The following CSMD3 variants were observed in gnomAD, a reference collection of about 807,000 sequenced individuals.
The protein encoded by CSMD3 is CUB and sushi domain-containing protein 3.
A neutral mutation model predicts 435.2 loss-of-function variants in CSMD3; 177 were observed. The ratio of observed to expected loss-of-function variants is 0.41; its 90% confidence interval spans 0.36 to 0.46. The LOEUF (loss-of-function observed/expected upper bound fraction) is 0.46, where lower values mean the gene tolerates loss of function less well. CSMD3 is among the 20% of genes least tolerant of loss of function. The probability of loss-of-function intolerance (pLI) is 0.34; values close to 1 mark genes in which losing one functional copy is unlikely to be tolerated. For synonymous variants in CSMD3, 1,656 were observed against 1,520.5 expected (o/e 1.09, Z -2.07); for missense variants, 4,265 against 4,504.6 (o/e 0.95, Z 1.52).
At chr8:112,523,093 G>GA (rs1402732018) in intron 27 of CSMD3, among the ~76,000 whole-genome samples, 1 of 151,836 alleles carries the variant, frequency 6.6e-6, no homozygotes, top group African/African-American at 2.4e-5. Flanking sequence ...TTTATGTTCA[G>GA]AAAATCGACT....
intron 4 of CSMD3, among the ~76,000 whole-genome samples, chr8:113,113,405 C>T (rs1564330231): frequency 6.6e-6 from 1 of 152,050 alleles, no homozygotes; most frequent in Non-Finnish European, 1.5e-5. Context: ...AATTTCTATT[C>T]CACATTTAAT....
chr8:113,429,338 GA>G (rs1455419680), intron 1 of CSMD3, among the ~76,000 whole-genome samples: 2 of 151,384 alleles, frequency 1.3e-5, no homozygotes, highest in Non-Finnish European at 3.0e-5. Context: ...TAAAACCCAT[GA>G]AAAAAAGAAA....
chr8:112,974,023 A>G (rs2084756755), intron 7 of CSMD3, among the ~76,000 whole-genome samples: 1 of 151,892 alleles, frequency 6.6e-6, no homozygotes, highest in Non-Finnish European at 1.5e-5. Flanking sequence ...CAAAATCACC[A>G]TTTTGTAAAG....
chr8:113,089,284 C>A (rs2089919381), intron 5 of CSMD3, among the ~76,000 whole-genome samples: 2 of 152,192 alleles, frequency 1.3e-5, no homozygotes, highest in Non-Finnish European at 2.9e-5. Context: ...AATCTCACTA[C>A]TAGCCAATCT....
chr8:113,126,624 G>A (rs2091139470), intron 4 of CSMD3, among the ~76,000 whole-genome samples: 1 of 151,868 alleles, frequency 6.6e-6, no homozygotes, highest in African/African-American at 2.4e-5. Flanking sequence ...CCAGGAAATA[G>A]TATCGTAGAT....
At chr8:112,752,900 CGTGTGTGTGT>C (rs10617885) in intron 13 of CSMD3, among the ~76,000 whole-genome samples, 2,045 of 146,572 alleles carry the variant, frequency 0.014, 22 homozygotes, top group African/African-American at 0.027. Context: ...TTTGTTACCG[CGTGTGTGTGT>C]GTGTGTGTGT....
At chr8:112,476,678 T>C (rs1026941005) in intron 31 of CSMD3, among the ~76,000 whole-genome samples, 4 of 152,228 alleles carry the variant, frequency 2.6e-5, no homozygotes, top group Non-Finnish European at 5.9e-5. Context: ...GTTTTATGTA[T>C]GCCTATAGAA....
rs58793930 is a variant in CSMD3, at chr8:112,373,022, AT to A, written c.6136+7329del. Among the ~76,000 whole-genome samples the A allele has an allele frequency of 4.7e-3, 650 of 138,358 alleles. 4 individuals carry two copies. Among genetic ancestry groups the A allele is most frequent in the African/African-American group, 0.017 (595 of 34,012 alleles). The allele number at this position is 138,358 out of a possible 152,430, so 90.8% of individuals were successfully genotyped here. ...TATATAAAAATATATATATATATAT[AT>A]TTTTTTTCTCATGAGTAGAAAAATC... On this transcript the variant is annotated intron_variant, in intron 38 of 70. Coordinates refer to ENST00000297405, the MANE Select transcript of CSMD3 (RefSeq NM_198123.2).
intron 38 of CSMD3, among the ~76,000 whole-genome samples, chr8:112,362,529 C>A (rs1327006713): frequency 6.6e-6 from 1 of 151,880 alleles, no homozygotes; most frequent in Non-Finnish European, 1.5e-5. Flanking sequence ...AGAATCACGA[C>A]GTGTAGGTAT....
intron 32 of CSMD3, among the ~76,000 whole-genome samples, chr8:112,433,669 AAAAGAAAG>A (rs1554677508): frequency 4.8e-5 from 7 of 144,972 alleles, no homozygotes; most frequent in South Asian, 2.1e-4. Flanking sequence ...AAAAAAAAAA[AAAAGAAAG>A]AAAGAAAGAA....
At chr8:112,974,339 T>A (rs1048377065) in intron 7 of CSMD3, among the ~76,000 whole-genome samples, 1 of 151,938 alleles carries the variant, frequency 6.6e-6, no homozygotes, top group African/African-American at 2.4e-5. Flanking sequence ...TTGGCTAAAG[T>A]AGAAATTGTA....
At chr8:112,551,147 G>A (rs191419968) in intron 26 of CSMD3, among the ~76,000 whole-genome samples, 21 of 152,064 alleles carry the variant, frequency 1.4e-4, no homozygotes, top group African/African-American at 4.8e-4. Flanking sequence ...TTTAACTAGG[G>A]CAACAGCAGG....
At position 112,685,589 on chromosome 8, in the gene CSMD3, CAA is replaced by C; in HGVS notation, c.2297_2298del (p.Phe766Ter). 1 of 1,613,880 alleles carries C rather than the reference CAA, an allele frequency of 6.2e-7. No individual in the cohort carries two copies. Among genetic ancestry groups the C allele is most frequent in the Non-Finnish European group, 8.5e-7 (1 of 1,179,930 alleles). ...AGGAAATCAAACTGGGATTCCAGGT[CAA>C]AGTCATTGAAAGAAAGATGTATCCG... ...GSRIHLSFND[F>X]DLESQFDFLA... On this transcript the variant is annotated frameshift_variant, in exon 15 of 71. Coordinates refer to ENST00000297405, the MANE Select transcript of CSMD3 (RefSeq NM_198123.2). LOFTEE classifies it high-confidence loss of function.
rs143752265 is a variant in CSMD3, at chr8:112,975,910, T to C, written c.1269A>G (p.Gln423=). ...CATGTCTTGGTCTTCTCCTGGTACT[T>C]TGTGTATCTGCTGGATGAGGAGAGA... ...DGLSPHPADT[Q]STRRRPRHAE... Residue 423 remains glutamine, a synonymous_variant, in exon 7 of 71, where the codon CAA becomes CAG. Transcript: ENST00000297405. 269 of 1,614,008 alleles carry C rather than the reference T, an allele frequency of 1.7e-4. 3 individuals are homozygous for C. In the East Asian group the frequency reaches 4.7e-3, roughly 28 times the overall value.
chr8:113,396,626 GTA>G (rs1160440736), intron 1 of CSMD3, among the ~76,000 whole-genome samples: 10 of 152,032 alleles, frequency 6.6e-5, no homozygotes, highest in Admixed American at 2.6e-4. Flanking sequence ...CTAAGATATT[GTA>G]TGTCTTTATA....
At chr8:112,712,797 A>AT (rs1458604098) in intron 13 of CSMD3, among the ~76,000 whole-genome samples, 1 of 31,068 alleles carries the variant, frequency 3.2e-5, no homozygotes, top group Non-Finnish European at 7.5e-5. Flanking sequence ...ATCAAAAATA[A>AT]AAAAAAAAAA....
chr8:112,932,332 AG>A (rs2083135806), intron 9 of CSMD3, among the ~76,000 whole-genome samples: 1 of 152,266 alleles, frequency 6.6e-6, no homozygotes, highest in Admixed American at 6.5e-5. Flanking sequence ...AAAATAAACC[AG>A]GCGCAGAAAG....
chr8:113,228,799 A>C (rs1035742304), intron 3 of CSMD3, among the ~76,000 whole-genome samples: 2 of 151,618 alleles, frequency 1.3e-5, no homozygotes, highest in African/African-American at 4.8e-5. Flanking sequence ...AACTACATCC[A>C]AACAGCATAA....
chr8:112,601,436 A>G (rs1832342751), intron 22 of CSMD3, among the ~76,000 whole-genome samples: 1 of 152,186 alleles, frequency 6.6e-6, no homozygotes, highest in African/African-American at 2.4e-5. Context: ...ATTTCCACTC[A>G]GAGGCGAATA....
Sources: gnomAD v4.1 joint callset for allele counts (sites outside exome capture counted in the v4.1 genomes callset) on GRCh38, gnomAD v4.1.1 for gene constraint, MANE v1.5 for transcripts, NCBI Gene and HGNC (gene_info 2026-07-23, HGNC 2026-07-21) for gene names.